AK9: variants seen among roughly 807,000 people sequenced by gnomAD.
AK9 encodes adenylate kinase 9, also known as adenylate kinase domain containing 1.
Under a neutral mutation model 239.6 loss-of-function variants are expected in AK9, and 191 were observed. The ratio of observed to expected loss-of-function variants is 0.80; its 90% CI spans 0.71 to 0.90. The LOEUF (loss-of-function observed/expected upper bound fraction) is 0.90. AK9 is among the 40% of genes least tolerant of loss of function. The probability of loss-of-function intolerance (pLI) is 0.00; values close to 1 mark genes in which losing one functional copy is unlikely to be tolerated. For synonymous variants in AK9, 689 were observed against 721.0 expected, an observed-to-expected ratio of 0.96 and a Z score of 0.71; for missense variants, 1,995 against 2,214.7, an observed-to-expected ratio of 0.90 and a Z score of 1.99.
chr6:109,660,843 C>A lies in AK9; in HGVS notation c.445-1430G>T, dbSNP rs1375994479. 4 of 369,568 alleles carry A rather than the reference C, an allele frequency of 1.1e-5. No homozygotes were observed. In the East Asian group the frequency reaches 2.5e-4, roughly 23 times the overall value. The allele number at this position is 369,568 out of a possible 1,614,324, so 22.9% of individuals were successfully genotyped here. A position where few individuals can be genotyped will look rare whatever the true frequency, so the allele number is the denominator to read the frequency against. On this transcript the variant is annotated intron_variant, in intron 6 of 40. Coordinates refer to ENST00000424296, the MANE Select transcript of AK9 (RefSeq NM_001145128.3). Reference sequence around the variant, plus strand: ...TTCTGGGGTAGGGCCTGAGAATTTGCATTTCTACTAAGCTTCTGGGTGCTG... The same window carrying A: ...TTCTGGGGTAGGGCCTGAGAATTTGAATTTCTACTAAGCTTCTGGGTGCTG...
At chr6:109,604,536 A>C (rs1040444698) in intron 17 of AK9, among the ~76,000 whole-genome samples, 3 of 152,180 alleles carry the variant, frequency 2.0e-5, no homozygotes, top group Non-Finnish European at 2.9e-5. Flanking sequence ...TTTTATCCAT[A>C]CTGAAGTTTG....
intron 24 of AK9, among the ~76,000 whole-genome samples, chr6:109,559,175 T>TG (rs1554255493): frequency 6.6e-6 from 1 of 150,766 alleles, no homozygotes; most frequent in African/African-American, 2.4e-5. Context: ...CTGTTTTTTT[T>TG]TTTGTTTTTT....
At chr6:109,568,842 T>C (rs917298420) in intron 21 of AK9, among the ~76,000 whole-genome samples, 2 of 152,176 alleles carry the variant, frequency 1.3e-5, no homozygotes, top group African/African-American at 4.8e-5. Context: ...ATTGTGAAAA[T>C]GGCCATACTG....
At chr6:109,622,139 AT>A (rs1794937175) in intron 12 of AK9, among the ~76,000 whole-genome samples, 1 of 146,140 alleles carries the variant, frequency 6.8e-6, no homozygotes, top group African/African-American at 2.5e-5. Context: ...TATTGTATAT[AT>A]TTTATACATT....
At chr6:109,534,445 T>C (rs1243534856) in intron 27 of AK9, among the ~76,000 whole-genome samples, 3 of 150,098 alleles carry the variant, frequency 2.0e-5, no homozygotes, top group Non-Finnish European at 4.4e-5. Flanking sequence ...GGTTTGTTTT[T>C]AATATTTATA....
At chr6:109,501,086 T>G (rs1777564497) in intron 35 of AK9, among the ~76,000 whole-genome samples, 1 of 152,154 alleles carries the variant, frequency 6.6e-6, no homozygotes. Flanking sequence ...ATCGATAAGA[T>G]GAAATTTCTG....
At chr6:109,583,046 C>G (rs923217236) in intron 19 of AK9, among the ~76,000 whole-genome samples, 1 of 152,164 alleles carries the variant, frequency 6.6e-6, no homozygotes, top group African/African-American at 2.4e-5. Flanking sequence ...CTATTGCACA[C>G]TTAATAGATG....
At chr6:109,556,868 G>A (rs571921540) in intron 24 of AK9, among the ~76,000 whole-genome samples, 1 of 151,984 alleles carries the variant, frequency 6.6e-6, no homozygotes, top group African/African-American at 2.4e-5. Flanking sequence ...GGTCATTTAT[G>A]TTCCTCTCTA....
intron 6 of AK9, among the ~76,000 whole-genome samples, chr6:109,659,669 A>G (rs949558665): frequency 1.3e-5 from 2 of 152,172 alleles, no homozygotes; most frequent in African/African-American, 4.8e-5. Flanking sequence ...TTAAGATGAG[A>G]AAAGAGGATT....
chr6:109,601,313 T>A (rs962871045), intron 17 of AK9, among the ~76,000 whole-genome samples: 19 of 152,354 alleles, frequency 1.2e-4, no homozygotes, highest in African/African-American at 4.6e-4. Flanking sequence ...CATCTTTATT[T>A]CTGCTTTCAT....
At chr6:109,499,520 T>C (rs1166800591) in intron 35 of AK9, among the ~76,000 whole-genome samples, 1 of 152,214 alleles carries the variant, frequency 6.6e-6, no homozygotes, top group Admixed American at 6.5e-5. Flanking sequence ...TGTGCCACTA[T>C]ACTATAAACA....
Position 109,641,763 on chromosome 6 carries a change from C to T in AK9, c.835-147G>A. On this transcript the variant is annotated intron_variant, in intron 9 of 40. Transcript: ENST00000424296. ...GCTTCTTCTGGCTTCTGGCTGTTTG[C>T]TGACAATCCTTGGTATGTCTTGGCT... 4.6e-6 allele frequency: 3 copies of T among 647,778 alleles called. No individual in the cohort carries two copies. In the East Asian group the frequency reaches 8.7e-5, roughly 19 times the overall value. The allele number at this position is 647,778 out of a possible 1,614,324, so 40.1% of individuals were successfully genotyped here. A position where few individuals can be genotyped will look rare whatever the true frequency, so the allele number is the denominator to read the frequency against.
chr6:109,611,716 G>A (rs1793606771), intron 16 of AK9, among the ~76,000 whole-genome samples: 1 of 152,244 alleles, frequency 6.6e-6, no homozygotes, highest in East Asian at 1.9e-4. Flanking sequence ...AGCTCCAGCA[G>A]CCATCTTGTG....
intron 6 of AK9, among the ~76,000 whole-genome samples, chr6:109,661,331 G>A (rs1800385191): frequency 2.0e-5 from 3 of 152,168 alleles, no homozygotes; most frequent in Non-Finnish European, 1.5e-5. Flanking sequence ...TTTTGCCTGA[G>A]GAATGGCTTG....
intron 29 of AK9, among the ~76,000 whole-genome samples, chr6:109,520,209 G>T (rs1158152590): frequency 6.6e-6 from 1 of 152,128 alleles, no homozygotes; most frequent in Non-Finnish European, 1.5e-5. Flanking sequence ...GTCCAGAATG[G>T]TGTTTCCCAG....
rs976414845 is a variant in AK9, at chr6:109,518,312, C to T, written c.3634-1670G>A. Among the ~76,000 whole-genome samples the T allele has an allele frequency of 2.6e-5, 4 of 152,064 alleles. No individual in the cohort carries two copies. The East Asian group carries it at 7.7e-4, about 29-fold the overall frequency. The stretch of plus-strand genomic sequence containing the variant: ...AAGAAGTTTCAGATCATTTAGCCTC[C>T]TTACGACTTGTTCCTTTTTATTATA... On this transcript the variant is annotated intron_variant, in intron 29 of 40. Transcript: ENST00000424296.
intron 9 of AK9, among the ~76,000 whole-genome samples, chr6:109,644,265 T>C (rs1046567426): frequency 1.3e-5 from 2 of 152,248 alleles, no homozygotes; most frequent in African/African-American, 2.4e-5. Context: ...TGTTTGTTTT[T>C]ACTTTGGTCA....
At position 109,681,060 on chromosome 6, in the gene AK9, T is replaced by C. The variant is rs146156641; in HGVS notation, c.-11-5304A>G. Among the ~76,000 whole-genome samples, 866 of 152,240 alleles carry C rather than the reference T, an allele frequency of 5.7e-3. 9 individuals are homozygous for C. The highest frequency in any genetic ancestry group is 0.02 in the African/African-American group (828 of 41,572). Reference sequence around the variant, plus strand: ...TCAACTAATGGGCAAAACAGCCGGCTAGCATCATAGTGACAGGATCAAATT... The same window carrying C: ...TCAACTAATGGGCAAAACAGCCGGCCAGCATCATAGTGACAGGATCAAATT... On this transcript the variant is annotated intron_variant, in intron 1 of 40. Transcript: ENST00000424296.
At chr6:109,658,582 G>T (rs1800009382) in intron 7 of AK9, among the ~76,000 whole-genome samples, 1 of 152,088 alleles carries the variant, frequency 6.6e-6, no homozygotes, top group African/African-American at 2.4e-5. Flanking sequence ...ATACATACCA[G>T]ATTTCAAAAA....
Sources: gnomAD v4.1 joint callset for allele counts (sites outside exome capture counted in the v4.1 genomes callset) on GRCh38, gnomAD v4.1.1 for gene constraint, MANE v1.5 for transcripts, NCBI Gene and HGNC (gene_info 2026-07-23, HGNC 2026-07-21) for gene names.